TMEM132D: variants seen among roughly 807,000 people sequenced by gnomAD.
TMEM132D encodes the protein mature OL transmembrane protein.
TMEM132D carries 21 observed loss-of-function variants against 62.3 expected under a neutral mutation model. That is an observed-to-expected ratio of 0.34 (90% CI 0.24 to 0.49). The LOEUF (loss-of-function observed/expected upper bound fraction) is 0.49, where lower values mean the gene tolerates loss of function less well. Ranked by LOEUF, TMEM132D falls within the 20% of genes least tolerant of loss-of-function variation. TMEM132D has a pLI of 0.99. For synonymous variants in TMEM132D, 621 were observed against 575.6 expected, an observed-to-expected ratio of 1.08 and a Z score of -1.13; for missense variants, 1,346 against 1,402.8, an observed-to-expected ratio of 0.96 and a Z score of 0.65.
At chr12:129,405,956 G>A (rs1249116043) in intron 3 of TMEM132D, among the ~76,000 whole-genome samples, 1 of 152,120 alleles carries the variant, frequency 6.6e-6, no homozygotes, top group African/African-American at 2.4e-5. Flanking sequence ...ATAATAGCAT[G>A]TTAGACAAAT....
chr12:129,104,193 G>T (rs977439912), intron 5 of TMEM132D, among the ~76,000 whole-genome samples: 2 of 150,998 alleles, frequency 1.3e-5, no homozygotes, highest in Non-Finnish European at 2.9e-5. Context: ...CCAAAACAGA[G>T]ATATAGACCA....
chr12:129,106,658 C>A (rs1486217266), intron 5 of TMEM132D, among the ~76,000 whole-genome samples: 1 of 152,136 alleles, frequency 6.6e-6, no homozygotes, highest in Non-Finnish European at 1.5e-5. Context: ...CTTTCCTCCC[C>A]TTCTTGGGCA....
chr12:129,539,809 C>T (rs150991363), intron 2 of TMEM132D, among the ~76,000 whole-genome samples: 1 of 152,294 alleles, frequency 6.6e-6, no homozygotes, highest in East Asian at 1.9e-4. Flanking sequence ...TCACAGATCA[C>T]CCTGGTCTCT....
At chr12:129,668,133 C>T (rs1880420372) in intron 2 of TMEM132D, among the ~76,000 whole-genome samples, 1 of 150,756 alleles carries the variant, frequency 6.6e-6, no homozygotes. Flanking sequence ...AAGCGAATGG[C>T]ATCTGGTTTA....
chr12:129,198,895 A>T (rs1166913014), intron 5 of TMEM132D, among the ~76,000 whole-genome samples: 1 of 152,054 alleles, frequency 6.6e-6, no homozygotes, highest in Non-Finnish European at 1.5e-5. Flanking sequence ...GTGCTCCATA[A>T]ATATATATAA....
At chr12:129,325,567 A>G (rs1048858840) in intron 4 of TMEM132D, among the ~76,000 whole-genome samples, 5 of 152,210 alleles carry the variant, frequency 3.3e-5, no homozygotes, top group African/African-American at 1.2e-4. Context: ...TCACGGATAC[A>G]AGAGAGGACT....
At chr12:129,790,575 TCTCCTCTG>T (rs1380716387) in intron 1 of TMEM132D, among the ~76,000 whole-genome samples, 2 of 152,100 alleles carry the variant, frequency 1.3e-5, no homozygotes, top group Non-Finnish European at 2.9e-5. Flanking sequence ...CTTCTCCTCT[TCTCCTCTG>T]CTCTCCATAA....
intron 3 of TMEM132D, among the ~76,000 whole-genome samples, chr12:129,488,355 T>G (rs1414170835): frequency 6.6e-6 from 1 of 152,146 alleles, no homozygotes; most frequent in Non-Finnish European, 1.5e-5. Context: ...CACTAAACTA[T>G]ATGATGTTAA....
intron 1 of TMEM132D, among the ~76,000 whole-genome samples, chr12:129,701,756 C>A (rs1881391338): frequency 6.6e-6 from 1 of 152,188 alleles, no homozygotes; most frequent in Non-Finnish European, 1.5e-5. Context: ...CTAGGCAAAG[C>A]TCCACAAGTT....
Position 129,302,750 on chromosome 12 carries a change from C to T in TMEM132D, c.1299+34884G>A, listed in dbSNP as rs569447445. Among the ~76,000 whole-genome samples the T allele has an allele frequency of 5.9e-5, 9 of 152,340 alleles. 1 individual carries two copies. The highest frequency in any genetic ancestry group is 1.0e-4 in the Non-Finnish European group (7 of 68,038). Reference sequence around the variant, plus strand: ...ACGTGTTCAGTGTCACCTCCTTTTACATCCACCAACAGCCCCTTGGCCAAA... The same window carrying T: ...ACGTGTTCAGTGTCACCTCCTTTTATATCCACCAACAGCCCCTTGGCCAAA... On this transcript the variant is annotated intron_variant, in intron 4 of 8. Transcript: ENST00000422113.
Position 129,903,122 on chromosome 12 carries a change from C to T in TMEM132D, c.79+139G>A. The T allele has an allele frequency of 1.1e-6, 1 of 924,560 alleles. No individual in the cohort carries two copies. The highest frequency in any genetic ancestry group is 1.7e-5 in the African/African-American group (1 of 60,322). 57.3% of individuals were successfully genotyped at this position (924,560 alleles called of 1,614,324 possible). ...GCACGAGCGCACGTTCACACGCGCG[C>T]ACACACACATGCACACAAGCGCGCA... On this transcript the variant is annotated intron_variant, in intron 1 of 8. Transcript: ENST00000422113. The surrounding 1 kb of genome is among the most constrained non-coding windows in gnomAD (Gnocchi z 6.2).
At chr12:129,505,486 G>A (rs187210853) in intron 3 of TMEM132D, among the ~76,000 whole-genome samples, 100 of 152,060 alleles carry the variant, frequency 6.6e-4, no homozygotes, top group East Asian at 3.5e-3. Flanking sequence ...CTTGTGATCC[G>A]CCCACCTCGG....
chr12:129,502,191 G>T (rs1289078629), intron 3 of TMEM132D, among the ~76,000 whole-genome samples: 2 of 151,952 alleles, frequency 1.3e-5, no homozygotes, highest in Non-Finnish European at 2.9e-5. Context: ...AGTAGAGACG[G>T]GGTTTCACTG....
chr12:129,747,313 CACATAGCTCA>C (rs1368854266), intron 1 of TMEM132D, among the ~76,000 whole-genome samples: 1 of 146,668 alleles, frequency 6.8e-6, no homozygotes, highest in Non-Finnish European at 1.5e-5. Context: ...CTTTGATGTC[CACATAGCTCA>C]TTCTAAAGTC....
In TMEM132D at chr12:129,110,337, C is replaced by G. The variant is rs548249987; in HGVS notation, c.1444-25635G>C. 2.0e-5 allele frequency: 3 copies of G among 152,090 alleles called. No homozygotes were observed. The East Asian group carries it at 5.8e-4, about 29-fold the overall frequency. The allele number at this position is 152,090 out of a possible 1,614,324, so 9.4% of individuals were successfully genotyped here. ...GAAAACAGCCAGCTCCACTACCTGT[C>G]TACCCTCCCTCCCGACCATTGAGAA... On this transcript the variant is annotated intron_variant, in intron 5 of 8. Coordinates refer to ENST00000422113, the MANE Select transcript of TMEM132D (RefSeq NM_133448.3).
At chr12:129,340,886 TGTG>T (rs1367429023) in intron 3 of TMEM132D, among the ~76,000 whole-genome samples, 3 of 152,202 alleles carry the variant, frequency 2.0e-5, no homozygotes, top group Non-Finnish European at 4.4e-5. Flanking sequence ...ACCTTGAGCT[TGTG>T]GGGAAAACGT....
chr12:129,276,940 C>T (rs917127106), intron 4 of TMEM132D, among the ~76,000 whole-genome samples: 5 of 152,126 alleles, frequency 3.3e-5, no homozygotes, highest in South Asian at 4.1e-4. Context: ...TCAATGTGTC[C>T]GCACCAGGTG....
intron 3 of TMEM132D, among the ~76,000 whole-genome samples, 176 bp from the exon 4 acceptor site, chr12:129,337,993 A>C (rs1435710128): frequency 6.6e-6 from 1 of 152,252 alleles, no homozygotes; most frequent in Non-Finnish European, 1.5e-5. Context: ...AGGAGCTTTA[A>C]TATGCTCTGC....
At chr12:129,259,773 G>C (rs1880505638) in intron 4 of TMEM132D, among the ~76,000 whole-genome samples, 1 of 152,122 alleles carries the variant, frequency 6.6e-6, no homozygotes. Flanking sequence ...AATGTGACTT[G>C]AAAAGTCACA....
Sources: allele counts gnomAD v4.1 joint callset (sites outside exome capture counted in the v4.1 genomes callset), GRCh38; gene constraint gnomAD v4.1.1; non-coding constraint Gnocchi (gnomAD v3.1); transcripts MANE v1.5; gene names NCBI Gene and HGNC (gene_info 2026-07-23, HGNC 2026-07-21).